The following ZFP1 variants were observed in gnomAD, a reference collection of about 807,000 sequenced individuals.
ZFP1 encodes zinc finger protein 1 homolog.
Under a neutral mutation model 38.5 loss-of-function variants are expected in ZFP1, and 32 were observed. That is an observed-to-expected ratio of 0.83 (90% CI 0.63 to 1.12). ZFP1 has a LOEUF of 1.12. Among genes scored for constraint, ZFP1 ranks in the 50% most tolerant of loss-of-function variants. The pLI, the probability that ZFP1 is intolerant of heterozygous loss-of-function variation, is 0.00. For synonymous variants in ZFP1, 245 were observed against 168.8 expected (o/e 1.45, Z -3.50); for missense variants, 616 against 480.8 (o/e 1.28, Z -2.63).
chr16:75,169,648 T>C lies in ZFP1; in HGVS notation c.538T>C (p.Leu180=). The change falls in exon 4 of 4, where the codon TTG becomes CTG. Residue 180 remains leucine, a synonymous_variant. Coordinates refer to ENST00000570010, the MANE Select transcript of ZFP1 (RefSeq NM_153688.4). ...AIFKHQKIKN[L]VQPFICTYCD... Reference sequence around the variant, plus strand: ...TTTTAAACATCAGAAAATAAAAAACTTGGTTCAACCTTTCATTTGTACTTA... The same window carrying C: ...TTTTAAACATCAGAAAATAAAAAACCTGGTTCAACCTTTCATTTGTACTTA... 2 of 1,595,608 alleles carry C rather than the reference T, an allele frequency of 1.3e-6. No homozygotes were observed.
At chr16:75,127,527 G>T in the ZFP1 span, among the ~76,000 whole-genome samples, 8 of 152,226 alleles carry the variant, frequency 5.3e-5, no homozygotes, top group Non-Finnish European at 5.9e-5. Flanking sequence ...CGCCATGTTG[G>T]CCAGGCTGGT....
At chr16:75,123,355 T>A in the ZFP1 span, among the ~76,000 whole-genome samples, 400 of 144,356 alleles carry the variant, frequency 2.8e-3, 2 homozygotes, top group African/African-American at 0.01. Flanking sequence ...CTGTCTAAAA[T>A]ATATATATGT....
At chr16:75,119,074 A>G in the ZFP1 span, among the ~76,000 whole-genome samples, 2 of 152,174 alleles carry the variant, frequency 1.3e-5, no homozygotes, top group Non-Finnish European at 2.9e-5. Flanking sequence ...TATAAAACTA[A>G]ATTGTGCTCT....
chr16:75,168,722 CA>C (rs1437515120), intron 3 of ZFP1, among the ~76,000 whole-genome samples: 2 of 152,152 alleles, frequency 1.3e-5, no homozygotes, highest in Admixed American at 6.6e-5. Context: ...CTCTGGAAAT[CA>C]TTTTGGTAAA....
chr16:75,163,899 A>G (rs886970192), intron 2 of ZFP1, among the ~76,000 whole-genome samples: 20 of 152,306 alleles, frequency 1.3e-4, no homozygotes, highest in African/African-American at 4.8e-4. Context: ...CATGAGCCAC[A>G]GCACCGGCAC....
At chr16:75,122,343 G>A in the ZFP1 span, among the ~76,000 whole-genome samples, 7 of 152,282 alleles carry the variant, frequency 4.6e-5, no homozygotes, top group South Asian at 2.1e-4. Context: ...CAGTAAGGGC[G>A]GTTACAGAAC....
At chr16:75,165,657 G>T (rs1365062177) in intron 2 of ZFP1, among the ~76,000 whole-genome samples, 1 of 152,130 alleles carries the variant, frequency 6.6e-6, no homozygotes, top group Non-Finnish European at 1.5e-5. Flanking sequence ...AAAGTGCTGG[G>T]ATTACAGGCC....
At chr16:75,159,558 C>T (rs554248913) in intron 2 of ZFP1, among the ~76,000 whole-genome samples, 1 of 151,476 alleles carries the variant, frequency 6.6e-6, no homozygotes, top group South Asian at 2.1e-4. Flanking sequence ...CAGACATGTG[C>T]CACTATGCCC....
the ZFP1 span, among the ~76,000 whole-genome samples, chr16:75,141,760 G>A: frequency 6.6e-6 from 1 of 150,616 alleles, no homozygotes; most frequent in Non-Finnish European, 1.5e-5. Flanking sequence ...AAAAAAGAGA[G>A]AAAAAGAGGC....
At chr16:75,159,297 TCCC>T (rs2037631871) in intron 2 of ZFP1, among the ~76,000 whole-genome samples, 1 of 27,518 alleles carries the variant, frequency 3.6e-5, no homozygotes, top group Non-Finnish European at 1.1e-4. Flanking sequence ...TTCCCTCCCT[TCCC>T]TCCCTTCCCT....
At chr16:75,127,468 G>A in the ZFP1 span, among the ~76,000 whole-genome samples, 1 of 152,134 alleles carries the variant, frequency 6.6e-6, no homozygotes, top group African/African-American at 2.4e-5. Context: ...CTGCAGGCAT[G>A]TACCACCACG....
chr16:75,119,845 T>TCACACA, the ZFP1 span, among the ~76,000 whole-genome samples: 1 of 151,480 alleles, frequency 6.6e-6, no homozygotes, highest in African/African-American at 2.4e-5. Context: ...GTGGCTAAAT[T>TCACACA]CACACACACA....
the ZFP1 span, chr16:75,132,699 C>T: frequency 6.8e-6 from 1 of 147,828 alleles, no homozygotes; most frequent in Non-Finnish European, 1.5e-5. Context: ...CTCTGTTGCC[C>T]AGGCTGGAGT....
At chr16:75,153,971 G>A (rs1307918651) in intron 2 of ZFP1, among the ~76,000 whole-genome samples, 1 of 152,070 alleles carries the variant, frequency 6.6e-6, no homozygotes, top group Non-Finnish European at 1.5e-5. Flanking sequence ...TTTTAGATTG[G>A]TTTCCTTCAC....
intron 2 of ZFP1, among the ~76,000 whole-genome samples, chr16:75,164,842 G>C (rs933701745): frequency 1.3e-5 from 2 of 150,618 alleles, no homozygotes; most frequent in African/African-American, 2.4e-5. Context: ...AGTTTCACTC[G>C]TTGCACAGGA....
chr16:75,165,707 A>T (rs901299459), intron 2 of ZFP1, among the ~76,000 whole-genome samples: 1 of 151,370 alleles, frequency 6.6e-6, no homozygotes, highest in African/African-American at 2.4e-5. Context: ...CAGTTTTGTT[A>T]TATGCTGAGT....
intron 2 of ZFP1, chr16:75,166,547 T>C: frequency 4.1e-6 from 4 of 985,210 alleles, no homozygotes; most frequent in Non-Finnish European, 4.8e-6. Context: ...TTTATTAATC[T>C]GAGACACCTA....
chr16:75,136,360 C>T, the ZFP1 span, among the ~76,000 whole-genome samples: 11 of 152,262 alleles, frequency 7.2e-5, no homozygotes, highest in Admixed American at 3.9e-4. Flanking sequence ...CAGGGATACT[C>T]GTCGACAGTC....
chr16:75,158,561 G>T (rs185951515), intron 2 of ZFP1, among the ~76,000 whole-genome samples: 2 of 150,624 alleles, frequency 1.3e-5, no homozygotes, highest in East Asian at 2.0e-4. Context: ...CCAAAGGGCT[G>T]GGATTATAGG....
Sources: gnomAD v4.1 joint callset for allele counts (sites outside exome capture counted in the v4.1 genomes callset) on GRCh38, gnomAD v4.1.1 for gene constraint, MANE v1.5 for transcripts, NCBI Gene and HGNC (gene_info 2026-07-23, HGNC 2026-07-21) for gene names.